The following ARHGEF3 variants were observed in gnomAD, a reference collection of about 807,000 sequenced individuals.
ARHGEF3 encodes the protein 59.8 kDA protein.
In ARHGEF3, 28 loss-of-function variants were observed where a neutral mutation model predicts 63.2. That is an observed-to-expected ratio of 0.44 (90% CI 0.33 to 0.61). The LOEUF is 0.61. Among genes scored for constraint, ARHGEF3 ranks in the 20% least tolerant of loss-of-function variants. The pLI is 0.03. For missense variants in ARHGEF3, 533 were observed against 659.3 expected, an observed-to-expected ratio of 0.81 and a Z score of 2.10; for synonymous variants, 266 against 254.2, an observed-to-expected ratio of 1.05 and a Z score of -0.44.
chr3:56,944,379 C>G (rs1699355630), intron 3 of ARHGEF3, among the ~76,000 whole-genome samples: 1 of 152,018 alleles, frequency 6.6e-6, no homozygotes, highest in Non-Finnish European at 1.5e-5. Flanking sequence ...GAAGCTGATT[C>G]CAACCCTCAT....
chr3:56,786,601 G>C (rs1485046393), intron 1 of ARHGEF3, among the ~76,000 whole-genome samples: 1 of 152,202 alleles, frequency 6.6e-6, no homozygotes, highest in Non-Finnish European at 1.5e-5. Flanking sequence ...CTGGCTCTCA[G>C]TGCTGTACAT....
At chr3:56,885,819 G>A (rs1170321874) in intron 3 of ARHGEF3, among the ~76,000 whole-genome samples, 1 of 152,222 alleles carries the variant, frequency 6.6e-6, no homozygotes, top group Admixed American at 6.5e-5. Context: ...CATGAATTAT[G>A]AAAATGAATT....
At chr3:56,735,758 C>T (rs190445645) in intron 8 of ARHGEF3, among the ~76,000 whole-genome samples, 6 of 152,288 alleles carry the variant, frequency 3.9e-5, no homozygotes, top group South Asian at 2.1e-4. Context: ...CACAGACACA[C>T]GTCTTCAAGC....
intron 4 of ARHGEF3, among the ~76,000 whole-genome samples, chr3:56,881,735 A>AC (rs146571087): frequency 0.044 from 6,701 of 152,066 alleles, 368 homozygotes; most frequent in East Asian, 0.21. Flanking sequence ...GTTTTATTTG[A>AC]CCCCCTCCCA....
chr3:57,070,078 T>C (rs755192453), intron 1 of ARHGEF3, among the ~76,000 whole-genome samples: 12 of 152,372 alleles, frequency 7.9e-5, no homozygotes, highest in Non-Finnish European at 1.5e-4. Context: ...AATGAAATTG[T>C]ACCCCTTTGC....
chr3:56,775,030 A>G (rs1382363478), intron 1 of ARHGEF3: 1 of 1,549,932 alleles, frequency 6.5e-7, no homozygotes, highest in Non-Finnish European at 8.7e-7. Context: ...TCTGACCTGT[A>G]GTAGATGCTA....
rs190620451 is a variant in ARHGEF3, at chr3:57,054,358, G to A, written c.-27-19182C>T. Among the ~76,000 whole-genome samples the A allele has an allele frequency of 5.9e-5, 9 of 151,962 alleles. No individual in the cohort carries two copies. The South Asian group carries it at 6.3e-4, about 11-fold the overall frequency. On this transcript the variant is annotated intron_variant, in intron 1 of 12. Coordinates refer to the ARHGEF3 transcript ENST00000338458. Reference sequence around the variant, plus strand: ...TAAAATTGGGTTGTCAGGTAGGTACGGTGGCTCACACCTATAATCCCAGCA... The same window carrying A: ...TAAAATTGGGTTGTCAGGTAGGTACAGTGGCTCACACCTATAATCCCAGCA...
intron 8 of ARHGEF3, among the ~76,000 whole-genome samples, chr3:56,735,468 A>T (rs1322116699): frequency 6.6e-6 from 1 of 152,066 alleles, no homozygotes; most frequent in Non-Finnish European, 1.5e-5. Flanking sequence ...TCCCACCCCA[A>T]CTATCTTTGT....
chr3:56,883,306 T>TA (rs2040829195), intron 3 of ARHGEF3, among the ~76,000 whole-genome samples: 1 of 151,510 alleles, frequency 6.6e-6, no homozygotes, highest in South Asian at 2.1e-4. Flanking sequence ...GTTTTTCTTT[T>TA]TTTTTTTTTT....
intron 2 of ARHGEF3, among the ~76,000 whole-genome samples, chr3:56,974,607 T>C (rs1701049777): frequency 6.6e-6 from 1 of 152,138 alleles, no homozygotes. Context: ...GACCCGCAAA[T>C]GTTTCTGAAG....
intron 1 of ARHGEF3, among the ~76,000 whole-genome samples, chr3:57,040,628 C>T (rs1560154366): frequency 6.6e-6 from 1 of 151,920 alleles, no homozygotes; most frequent in Admixed American, 6.6e-5. Flanking sequence ...TTTCTTAATA[C>T]AGGTATGATC....
intron 1 of ARHGEF3, among the ~76,000 whole-genome samples, chr3:57,042,678 A>T (rs866314446): frequency 3.1e-4 from 9 of 28,802 alleles, no homozygotes; most frequent in African/African-American, 8.1e-4. Flanking sequence ...ATATATATAT[A>T]TATATATATA....
chr3:56,788,639 CTTG>C, intron 1 of ARHGEF3, among the ~76,000 whole-genome samples: 1 of 151,926 alleles, frequency 6.6e-6, no homozygotes, highest in Non-Finnish European at 1.5e-5. Flanking sequence ...ATCTGCTTGC[CTTG>C]GGTCTGTGTC....
chr3:56,751,029 T>C (rs1313474686), intron 6 of ARHGEF3, 27 bp downstream of exon 6: 1 of 1,567,386 alleles, frequency 6.4e-7, no homozygotes, highest in Admixed American at 1.8e-5. Flanking sequence ...AAATTTATCT[T>C]CAATAAAGAC....
At chr3:56,996,887 A>ATTTTTTTTT (rs199994465) in intron 2 of ARHGEF3, among the ~76,000 whole-genome samples, 1 of 102,570 alleles carries the variant, frequency 9.7e-6, no homozygotes, top group African/African-American at 3.2e-5. Flanking sequence ...TATTATTATT[A>ATTTTTTTTT]TTATTTTTTT....
intron 2 of ARHGEF3, among the ~76,000 whole-genome samples, chr3:57,033,934 A>C (rs1356124671): frequency 6.6e-6 from 1 of 151,868 alleles, no homozygotes; most frequent in Non-Finnish European, 1.5e-5. Context: ...AATCCCAGCT[A>C]CTCAGGAGGC....
At chr3:56,770,905 A>C (rs1044834162) in intron 2 of ARHGEF3, among the ~76,000 whole-genome samples, 1 of 152,146 alleles carries the variant, frequency 6.6e-6, no homozygotes, top group Non-Finnish European at 1.5e-5. Flanking sequence ...TTAGGTCAGG[A>C]GTTTGAGACC....
intron 4 of ARHGEF3, among the ~76,000 whole-genome samples, chr3:56,855,539 T>C (rs2039840728): frequency 6.6e-6 from 1 of 151,902 alleles, no homozygotes; most frequent in Non-Finnish European, 1.5e-5. Context: ...AAAAATTAGC[T>C]GGGCGTGGTG....
chr3:56,919,896 G>A (rs2042082706), intron 3 of ARHGEF3, among the ~76,000 whole-genome samples: 1 of 152,210 alleles, frequency 6.6e-6, no homozygotes, highest in Admixed American at 6.5e-5. Context: ...GGCCTAGCAA[G>A]CTTACTTCAG....
Sources: allele counts gnomAD v4.1 joint callset (sites outside exome capture counted in the v4.1 genomes callset), GRCh38; gene constraint gnomAD v4.1.1; transcripts MANE v1.5; gene names NCBI Gene and HGNC (gene_info 2026-07-23, HGNC 2026-07-21).